The following CTNNA2 variants were observed in gnomAD, a reference collection of about 807,000 sequenced individuals.
CTNNA2 encodes catenin alpha-2.
A neutral mutation model predicts 101.0 loss-of-function variants in CTNNA2; 42 were observed. That is an observed-to-expected ratio of 0.42 (90% CI 0.32 to 0.54). The LOEUF (loss-of-function observed/expected upper bound fraction) is 0.54. CTNNA2 is among the 20% of genes least tolerant of loss of function. CTNNA2 has a pLI of 0.14. For missense variants in CTNNA2, 871 were observed against 1,223.1 expected (o/e 0.71, Z 4.29); for synonymous variants, 450 against 456.4 (o/e 0.99, Z 0.18).
intron 9 of CTNNA2, among the ~76,000 whole-genome samples, chr2:80,544,642 C>T (rs1691878410): frequency 6.6e-6 from 1 of 151,972 alleles, no homozygotes; most frequent in African/African-American, 2.4e-5. Context: ...ACTGATATGG[C>T]CGAGATCACA....
chr2:80,171,405 T>A (rs1705047244), intron 7 of CTNNA2, among the ~76,000 whole-genome samples: 1 of 152,198 alleles, frequency 6.6e-6, no homozygotes, highest in Non-Finnish European at 1.5e-5. Context: ...AGGCTTAGAA[T>A]TGGAGATGGA....
intron 1 of CTNNA2, among the ~76,000 whole-genome samples, chr2:79,608,585 G>T (rs1678054526): frequency 6.6e-6 from 1 of 151,978 alleles, no homozygotes; most frequent in African/African-American, 2.4e-5. Context: ...TTTATTTCAG[G>T]AATGCAAAGG....
chr2:80,309,756 A>G (rs1167760146), intron 7 of CTNNA2, among the ~76,000 whole-genome samples: 1 of 148,914 alleles, frequency 6.7e-6, no homozygotes. Context: ...GTGCAGTGGC[A>G]TGATCTCGGG....
At chr2:79,317,210 A>G (rs7598028) in intron 3 of CTNNA2, among the ~76,000 whole-genome samples, 2 of 151,934 alleles carry the variant, frequency 1.3e-5, no homozygotes, top group Non-Finnish European at 2.9e-5. Context: ...TGCATTCCAT[A>G]AAATGATTTT....
intron 2 of CTNNA2, among the ~76,000 whole-genome samples, chr2:79,661,208 A>G (rs1444989279): frequency 6.6e-6 from 1 of 152,198 alleles, no homozygotes; most frequent in Non-Finnish European, 1.5e-5. Flanking sequence ...TTTCACAGTT[A>G]ACATGTGACA....
intron 8 of CTNNA2, among the ~76,000 whole-genome samples, chr2:80,404,574 T>C (rs528905844): frequency 6.6e-6 from 1 of 152,104 alleles, no homozygotes; most frequent in African/African-American, 2.4e-5. Context: ...GGGTAGGAGT[T>C]GGGGAAAGGA....
chr2:79,927,786 A>G (rs1252976580), intron 7 of CTNNA2, among the ~76,000 whole-genome samples: 1 of 152,020 alleles, frequency 6.6e-6, no homozygotes, highest in Non-Finnish European at 1.5e-5. Flanking sequence ...AGTGCTTTTG[A>G]TTTAATCATT....
chr2:79,579,825 G>T (rs867668314), intron 1 of CTNNA2, among the ~76,000 whole-genome samples: 2 of 152,086 alleles, frequency 1.3e-5, no homozygotes, highest in Non-Finnish European at 2.9e-5. Flanking sequence ...TGTTGGTCAG[G>T]CTGGTCTTAA....
intron 1 of CTNNA2, among the ~76,000 whole-genome samples, chr2:79,597,651 G>A (rs887946432): frequency 6.6e-6 from 1 of 151,902 alleles, no homozygotes; most frequent in Admixed American, 6.6e-5. Context: ...AGCAGTTTTA[G>A]GTGCACAGAG....
At chr2:79,228,480 T>C (rs995196562) in intron 2 of CTNNA2, among the ~76,000 whole-genome samples, 1 of 152,202 alleles carries the variant, frequency 6.6e-6, no homozygotes, top group Admixed American at 6.5e-5. Flanking sequence ...TTGTGGTTTT[T>C]ATTTGCATTT....
chr2:80,339,191 A>G (rs1327541347), intron 7 of CTNNA2, among the ~76,000 whole-genome samples: 1 of 151,770 alleles, frequency 6.6e-6, no homozygotes, highest in Non-Finnish European at 1.5e-5. Context: ...GTGTGTGCAC[A>G]TGTGTGTGTG....
intron 2 of CTNNA2, among the ~76,000 whole-genome samples, chr2:79,250,027 G>A (rs898065213): frequency 6.6e-6 from 1 of 152,180 alleles, no homozygotes; most frequent in Non-Finnish European, 1.5e-5. Flanking sequence ...GGCTAATGAT[G>A]AAAATTCCTC....
intron 3 of CTNNA2, among the ~76,000 whole-genome samples, chr2:79,835,762 A>T (rs1309798743): frequency 7.3e-6 from 1 of 137,172 alleles, no homozygotes; most frequent in Non-Finnish European, 1.5e-5. Context: ...CCTCCCAAGT[A>T]GCTGGGACTA....
At chr2:79,707,139 CA>C (rs547475111) in intron 2 of CTNNA2, among the ~76,000 whole-genome samples, 25 of 152,280 alleles carry the variant, frequency 1.6e-4, no homozygotes, top group African/African-American at 5.8e-4. Flanking sequence ...TCACCTGGCT[CA>C]GCAACATCTG....
At chr2:79,671,223 G>A (rs1478005467) in intron 2 of CTNNA2, among the ~76,000 whole-genome samples, 2 of 151,816 alleles carry the variant, frequency 1.3e-5, no homozygotes, top group Non-Finnish European at 2.9e-5. Flanking sequence ...GTTACAAGGA[G>A]AAAGAAATGC....
chr2:80,566,287 C>T (rs1222741530), intron 12 of CTNNA2, among the ~76,000 whole-genome samples: 1 of 152,130 alleles, frequency 6.6e-6, no homozygotes, highest in South Asian at 2.1e-4. Flanking sequence ...TCAGAAGTGG[C>T]ATCCCATCTT....
chr2:80,193,564 G>A (rs1420717040), intron 7 of CTNNA2, among the ~76,000 whole-genome samples: 1 of 152,120 alleles, frequency 6.6e-6, no homozygotes, highest in African/African-American at 2.4e-5. Flanking sequence ...AAAAGAGATG[G>A]GATTCATAGA....
chr2:79,754,534 G>T (rs1672268385), intron 3 of CTNNA2, among the ~76,000 whole-genome samples: 1 of 152,108 alleles, frequency 6.6e-6, no homozygotes, highest in Non-Finnish European at 1.5e-5. Flanking sequence ...GTGTGGGGAT[G>T]GTGGGCATGT....
chr2:79,680,128 G>T (rs777843035), intron 2 of CTNNA2, among the ~76,000 whole-genome samples: 1 of 151,850 alleles, frequency 6.6e-6, no homozygotes. Flanking sequence ...CCTCTCGGTG[G>T]CCACTTTTAC....
Sources: gnomAD v4.1 joint callset for allele counts (sites outside exome capture counted in the v4.1 genomes callset) on GRCh38, gnomAD v4.1.1 for gene constraint, MANE v1.5 for transcripts, NCBI Gene and HGNC (gene_info 2026-07-23, HGNC 2026-07-21) for gene names.